CDK11A: variants seen among roughly 807,000 people sequenced by gnomAD.
CDK11A encodes cyclin dependent kinase 11A.
CDK11A carries 55 observed loss-of-function variants against 83.6 expected under a neutral mutation model. That is an observed-to-expected ratio of 0.66 (90% CI 0.53 to 0.82). The LOEUF (loss-of-function observed/expected upper bound fraction) is 0.82, where lower values mean the gene tolerates loss of function less well. Ranked by LOEUF, CDK11A falls within the 40% of genes least tolerant of loss-of-function variation. The pLI is 0.00. For missense variants in CDK11A, 564 were observed against 810.1 expected, an observed-to-expected ratio of 0.70 and a Z score of 3.69; for synonymous variants, 247 against 302.7, an observed-to-expected ratio of 0.82 and a Z score of 1.91.
At chr1:1,716,919 C>T (rs1570418614) in intron 4 of CDK11A, among the ~76,000 whole-genome samples, 3 of 117,708 alleles carry the variant, frequency 2.5e-5, no homozygotes, top group Non-Finnish European at 3.4e-5. Flanking sequence ...TAATCCTAAT[C>T]TTTTTTTTTT....
At chr1:1,722,086 G>A (rs537232613) in intron 2 of CDK11A, among the ~76,000 whole-genome samples, 2 of 150,910 alleles carry the variant, frequency 1.3e-5, no homozygotes, top group East Asian at 1.9e-4. Flanking sequence ...GGCCCTGGGC[G>A]ACAGTGCGAG....
Position 1,703,846 on chromosome 1 carries a change from T to G in CDK11A, c.1889A>C (p.Asp630Ala), listed in dbSNP as rs765684442. ...CACCTTGAACACTTTGTTGATCTGA[T>G]CGATTTCCGAATTCCCGGGGAACAG... Reference protein sequence around the residue: ...KPLFPGNSEIDQINKVFKELG... With the variant: ...KPLFPGNSEIAQINKVFKELG... The change falls in exon 17 of 20, where the codon GAT becomes GCT. Residue 630 changes from aspartate to alanine, a missense_variant. Transcript: ENST00000404249. 4.3e-6 allele frequency: 7 copies of G among 1,609,530 alleles called. 1 individual carries two copies. The East Asian group carries it at 1.6e-4, about 36-fold the overall frequency.
chr1:1,713,469 C>A (rs2179383), intron 5 of CDK11A, among the ~76,000 whole-genome samples: 3,375 of 62,946 alleles, frequency 0.054, 515 homozygotes, highest in African/African-American at 0.13. Flanking sequence ...AAATTACATA[C>A]GTTTAGCATA....
intron 4 of CDK11A, 81 bp downstream of exon 4, chr1:1,719,247 G>A: frequency 1.3e-5 from 16 of 1,262,546 alleles, no homozygotes. Context: ...TTTCAGTGGT[G>A]CTCTGGGGAA....
In CDK11A at chr1:1,719,349, G is replaced by A. The variant is rs768075476; in HGVS notation, c.334C>T (p.His112Tyr). 3 of 1,531,100 alleles carry A rather than the reference G, an allele frequency of 2.0e-6. No homozygotes were observed. Among genetic ancestry groups the A allele is most frequent in the South Asian group, 1.3e-5 (1 of 78,796 alleles). The allele number at this position is 1,531,100 out of a possible 1,614,324, so 94.8% of individuals were successfully genotyped here. A position where few individuals can be genotyped will look rare whatever the true frequency, so the allele number is the denominator to read the frequency against. The change falls in exon 4 of 20, where the codon CAT becomes TAT. Residue 112 changes from histidine to tyrosine, a missense_variant. This residue lies in a region of CDK11A where 151 missense variants were observed against 147.4 expected (regional missense o/e 1.02). Coordinates refer to ENST00000404249, the MANE Select transcript of CDK11A (RefSeq NM_024011.4). ...DEKRKEKCRH[H>Y]SHSAEGGKHA... is the part of the protein sequence containing the mutation. ...GTACCCCCTTCTGCTGAATGGCTAT[G>A]ATGCCTACATTTTTCTTTTCTCTTT...
intron 13 of CDK11A, 103 bp from the exon 14 acceptor site, chr1:1,704,758 C>A: frequency 6.3e-7 from 1 of 1,599,024 alleles, no homozygotes; most frequent in Non-Finnish European, 8.5e-7. Flanking sequence ...CGGTGCCACC[C>A]GGGAGGCAAA....
In CDK11A at chr1:1,702,473, TGGGGGCC is replaced by T. The variant is rs1280186625; in HGVS notation, c.*427_*433del. Among the ~76,000 whole-genome samples the T allele has an allele frequency of 8.4e-6, 1 of 119,216 alleles. No homozygotes were observed. The highest frequency in any genetic ancestry group is 2.9e-5 in the African/African-American group (1 of 34,982). 78.2% of individuals were successfully genotyped at this position (119,216 alleles called of 152,430 possible). On this transcript the variant is annotated 3_prime_UTR_variant, in exon 20 of 20. Coordinates refer to ENST00000404249, the MANE Select transcript of CDK11A (RefSeq NM_024011.4). ...TGCTGGCACAGCTGGGGCTGGGGGTTGGGGGCCGGGGGCCTGTGTGGACAGGGCTGGT... is the reference window on the plus strand; with the variant it reads ...TGCTGGCACAGCTGGGGCTGGGGGTTGGGGGCCTGTGTGGACAGGGCTGGT...
At chr1:1,717,582 T>C (rs1031189076) in intron 4 of CDK11A, among the ~76,000 whole-genome samples, 1 of 150,896 alleles carries the variant, frequency 6.6e-6, no homozygotes, top group African/African-American at 2.4e-5. Context: ...CTAGCCATTC[T>C]GAATGGTCTG....
At chr1:1,706,028 A>G (rs1406645062) in intron 11 of CDK11A, among the ~76,000 whole-genome samples, 2 of 150,806 alleles carry the variant, frequency 1.3e-5, no homozygotes, top group Non-Finnish European at 3.0e-5. Context: ...GGATTGCTTG[A>G]GCCCAGGAGT....
intron 3 of CDK11A, 132 bp downstream of exon 3, chr1:1,721,464 G>T: frequency 9.6e-7 from 1 of 1,037,778 alleles, no homozygotes; most frequent in Non-Finnish European, 1.4e-6. Context: ...AACACGCCCT[G>T]TCACGGTAAC....
chr1:1,704,415 C>G, intron 14 of CDK11A, 71 bp from the exon 15 acceptor site: 1 of 1,581,706 alleles, frequency 6.3e-7, no homozygotes, highest in Non-Finnish European at 8.6e-7. Context: ...GGCCCGCTCG[C>G]CTCGGCAGCA....
intron 16 of CDK11A, 29 bp downstream of exon 16, chr1:1,704,010 G>A (rs751424059): frequency 1.9e-6 from 3 of 1,602,360 alleles, no homozygotes; most frequent in Admixed American, 3.4e-5. Flanking sequence ...ATGGGGGACA[G>A]GGGAGGCACT....
chr1:1,706,371 C>T (rs2101171874), intron 11 of CDK11A, among the ~76,000 whole-genome samples: 1 of 151,396 alleles, frequency 6.6e-6, no homozygotes, highest in South Asian at 2.1e-4. Context: ...CTGTGCCTGG[C>T]CAAAACTCTT....
In CDK11A at chr1:1,706,551, A is replaced by C. The variant is rs924107634; in HGVS notation, c.1246-819T>G. Among the ~76,000 whole-genome samples the C allele has an allele frequency of 4.6e-5, 7 of 151,306 alleles. No homozygotes were observed. The South Asian group carries it at 6.3e-4, about 14-fold the overall frequency. ...ATGACAGAGACAGACCCAGTCTCCA[A>C]AAAAAAGGCCATCCGGAGAGTCTCT... On this transcript the variant is annotated intron_variant, in intron 11 of 19. Transcript: ENST00000404249.
chr1:1,719,383 T>A lies in CDK11A; in HGVS notation c.300A>T (p.Arg100Ser). 3 of 1,539,264 alleles carry A rather than the reference T, an allele frequency of 1.9e-6. No individual in the cohort carries two copies. The highest frequency in any genetic ancestry group is 1.7e-4 in the Middle Eastern group (1 of 5,826). ...QMSRKEKVHHRKDEKRKEKCR... is the reference protein window; with the variant it reads ...QMSRKEKVHHSKDEKRKEKCR... ...ATTTTTCTTTTCTCTTTTCATCTTT[T>A]CTGTGATGAACTTTTTCTTTCCGAG... The change falls in exon 4 of 20, where the codon AGA becomes AGT. Residue 100 changes from arginine to serine, a missense_variant. Arg to Ser is a moderately radical substitution (Grantham distance 110). This residue lies in a region of CDK11A where 151 missense variants were observed against 147.4 expected (regional missense o/e 1.02). Coordinates refer to ENST00000404249, the MANE Select transcript of CDK11A (RefSeq NM_024011.4).
At chr1:1,723,516 A>C (rs1482637122) in intron 1 of CDK11A, among the ~76,000 whole-genome samples, 1 of 67,864 alleles carries the variant, frequency 1.5e-5, no homozygotes, top group Non-Finnish European at 4.1e-5. Context: ...AAAAAAAAAA[A>C]AAAAAAACAA....
rs572960277 is a variant in CDK11A, at chr1:1,707,512, G to A, written c.1142C>T (p.Pro381Leu). ...EAEEEVGEGT[P>L]QSSALTEGDY... ...GCCCTCTGTCAGGGCGCTGCTCTGCGGCGTTCCCTCACCCACTTCTTCCTC... is the reference window on the plus strand; with the variant it reads ...GCCCTCTGTCAGGGCGCTGCTCTGCAGCGTTCCCTCACCCACTTCTTCCTC... Residue 381 changes from proline to leucine, a missense_variant, in exon 11 of 20, where the codon CCG becomes CTG. By Grantham distance (98) the Pro-to-Leu change is moderately conservative (BLOSUM62 -3). Coordinates refer to ENST00000404249, the MANE Select transcript of CDK11A (RefSeq NM_024011.4). The A allele has an allele frequency of 1.7e-5, 28 of 1,603,896 alleles. No individual in the cohort carries two copies. In the East Asian group the frequency reaches 4.5e-4, roughly 26 times the overall value.
At chr1:1,717,773 TAG>T (rs1169616393) in intron 4 of CDK11A, among the ~76,000 whole-genome samples, 2 of 150,258 alleles carry the variant, frequency 1.3e-5, no homozygotes, top group Admixed American at 6.7e-5. Flanking sequence ...TGCTTTCAGC[TAG>T]AGTTTGCTCT....
chr1:1,722,953 C>T, intron 1 of CDK11A, 122 bp from the exon 2 acceptor site: 3 of 395,006 alleles, frequency 7.6e-6, no homozygotes, highest in East Asian at 8.5e-5. Flanking sequence ...GAAGTTGTGC[C>T]CGGCGCAGTG....
Sources: gnomAD v4.1 joint callset for allele counts (sites outside exome capture counted in the v4.1 genomes callset) on GRCh38, gnomAD v4.1.1 for gene constraint, gnomAD v4.1.1 regional missense constraint, MANE v1.5 for transcripts, NCBI Gene and HGNC (gene_info 2026-07-23, HGNC 2026-07-21) for gene names.